PGAP4: variants seen among roughly 807,000 people sequenced by gnomAD.
PGAP4 encodes post-GPI attachment to proteins GalNAc transferase 4, also known as GPI-N-acetylgalactosamine transferase PGAP4.
Under a neutral mutation model 28.2 loss-of-function variants are expected in PGAP4, and 12 were observed. The observed-to-expected ratio is 0.42, with a 90% confidence interval of 0.27 to 0.69. The LOEUF is 0.69. Ranked by LOEUF, PGAP4 falls within the 30% of genes least tolerant of loss-of-function variation. The pLI is 0.22. For synonymous variants in PGAP4, 205 were observed against 211.8 expected, an observed-to-expected ratio of 0.97 and a Z score of 0.28; for missense variants, 425 against 513.5, an observed-to-expected ratio of 0.83 and a Z score of 1.67.
chr9:101,519,681 A>G (rs2118624866), intron 2 of PGAP4, among the ~76,000 whole-genome samples: 1 of 151,078 alleles, frequency 6.6e-6, no homozygotes, highest in Admixed American at 6.6e-5. Context: ...ACATACATAT[A>G]TATACACACA....
At position 101,479,157 on chromosome 9, in the gene PGAP4, T is replaced by A. The variant is rs143482838; in HGVS notation, c.-77-1988A>T. On this transcript the variant is annotated intron_variant, in intron 1 of 1. Transcript: ENST00000374848. ...GAACATCCAGCATATTGCAGACTGG[T>A]TGCTTCTTCCTCTGCTCTGCTCAGC... is the stretch of plus-strand genomic sequence containing the variant. Among the ~76,000 whole-genome samples, 153 of 152,334 alleles carry A rather than the reference T, an allele frequency of 1.0e-3. 1 individual carries two copies. Among genetic ancestry groups the A allele is most frequent in the Non-Finnish European group, 1.6e-3 (111 of 68,024 alleles).
At chr9:101,514,013 T>C (rs1826921018) in intron 2 of PGAP4, among the ~76,000 whole-genome samples, 1 of 151,756 alleles carries the variant, frequency 6.6e-6, no homozygotes, top group Admixed American at 6.6e-5. Flanking sequence ...TCTCTTCTTT[T>C]TTTTTTTTGT....
chr9:101,485,986 T>G (rs1826605739), intron 1 of PGAP4, among the ~76,000 whole-genome samples: 1 of 151,838 alleles, frequency 6.6e-6, no homozygotes, highest in Non-Finnish European at 1.5e-5. Context: ...CACCCGCATG[T>G]GTTGCTAATG....
At chr9:101,513,993 A>G (rs982976254) in intron 2 of PGAP4, among the ~76,000 whole-genome samples, 1 of 150,094 alleles carries the variant, frequency 6.7e-6, no homozygotes, top group Non-Finnish European at 1.5e-5. Flanking sequence ...AGGGTAAGAG[A>G]AAGTTCTTTT....
At chr9:101,478,471 C>A (rs756498190) in intron 1 of PGAP4, among the ~76,000 whole-genome samples, 1 of 152,208 alleles carries the variant, frequency 6.6e-6, no homozygotes, top group Non-Finnish European at 1.5e-5. Context: ...AGGAACCATA[C>A]GAGGCTGCTG....
At chr9:101,512,019 T>C (rs1436353957) in intron 2 of PGAP4, among the ~76,000 whole-genome samples, 4 of 152,092 alleles carry the variant, frequency 2.6e-5, no homozygotes, top group African/African-American at 9.7e-5. Flanking sequence ...CTCTAACCTG[T>C]GAATAATGTG....
chr9:101,506,055 A>G lies in PGAP4; in HGVS notation c.-164-16855T>C, dbSNP rs1340323599. 2.6e-5 allele frequency among the ~76,000 whole-genome samples: 4 copies of G among 152,098 alleles called. No homozygotes were observed. The South Asian group carries it at 6.2e-4, about 24-fold the overall frequency. On this transcript the variant is annotated intron_variant, in intron 2 of 3. Transcript: ENST00000374851. Reference sequence around the variant, plus strand: ...CCTTAAAAAAGCAGTTTCCAATAAAATGTTACCATTTGTGCAAACAACTGG... The same window carrying G: ...CCTTAAAAAAGCAGTTTCCAATAAAGTGTTACCATTTGTGCAAACAACTGG...
intron 2 of PGAP4, among the ~76,000 whole-genome samples, chr9:101,518,506 C>T (rs1826959659): frequency 6.6e-6 from 1 of 152,190 alleles, no homozygotes; most frequent in Admixed American, 6.5e-5. Context: ...TTAGCTCCCA[C>T]ATATCAGTGA....
chr9:101,514,009 C>CTTTT (rs75808649), intron 2 of PGAP4, among the ~76,000 whole-genome samples: 1 of 145,632 alleles, frequency 6.9e-6, no homozygotes, highest in African/African-American at 2.5e-5. Flanking sequence ...CTTTTCTCTT[C>CTTTT]TTTTTTTTTT....
chr9:101,533,646 C>T (rs959637131), upstream of PGAP4: 1 of 152,278 alleles, frequency 6.6e-6, no homozygotes, highest in African/African-American at 2.4e-5. Flanking sequence ...CGTCAGGCAT[C>T]AGCGAGGCCC....
chr9:101,511,943 A>G (rs572882968), intron 2 of PGAP4, among the ~76,000 whole-genome samples: 9 of 152,248 alleles, frequency 5.9e-5, no homozygotes, highest in Non-Finnish European at 8.8e-5. Flanking sequence ...TCATCCACCC[A>G]ATGCCAAATA....
At chr9:101,493,069 A>G (rs1382011567) in intron 2 of PGAP4, among the ~76,000 whole-genome samples, 3 of 152,000 alleles carry the variant, frequency 2.0e-5, no homozygotes, top group Admixed American at 6.6e-5. Flanking sequence ...CCTGGCCAAC[A>G]TGGTGAAAAC....
At chr9:101,495,723 GCTTT>G (rs1826741365) in intron 2 of PGAP4, among the ~76,000 whole-genome samples, 1 of 150,380 alleles carries the variant, frequency 6.6e-6, no homozygotes, top group South Asian at 2.1e-4. Context: ...CATCCATGTA[GCTTT>G]CTTTATTACT....
chr9:101,477,968 T>C (rs764057091), intron 1 of PGAP4, among the ~76,000 whole-genome samples: 6 of 151,904 alleles, frequency 3.9e-5, no homozygotes, highest in Non-Finnish European at 5.9e-5. Context: ...TTGCCCTCAG[T>C]TTGGTCCAGG....
chr9:101,527,538 C>T (rs2118639261), intron 2 of PGAP4, among the ~76,000 whole-genome samples: 1 of 152,206 alleles, frequency 6.6e-6, no homozygotes, highest in South Asian at 2.1e-4. Flanking sequence ...ATTATGGCCA[C>T]ACAAGACAGT....
chr9:101,517,495 A>G (rs972041339), intron 2 of PGAP4, among the ~76,000 whole-genome samples: 2 of 152,192 alleles, frequency 1.3e-5, no homozygotes, highest in African/African-American at 4.8e-5. Context: ...GGAAAATAAG[A>G]TATCAAGTTT....
chr9:101,524,754 G>T (rs1827019471), intron 2 of PGAP4, among the ~76,000 whole-genome samples: 1 of 152,326 alleles, frequency 6.6e-6, no homozygotes, highest in East Asian at 1.9e-4. Flanking sequence ...TTCAGTGAGG[G>T]TATGTGTTCA....
intron 2 of PGAP4, among the ~76,000 whole-genome samples, chr9:101,522,313 T>C (rs1220160338): frequency 2.6e-5 from 4 of 152,202 alleles, no homozygotes; most frequent in African/African-American, 9.6e-5. Flanking sequence ...CAGTGGAGTA[T>C]TGAAGTCCCC....
chr9:101,477,277 G>T (rs1826355268), intron 1 of PGAP4, 108 bp from the exon 2 acceptor site: 1 of 754,284 alleles, frequency 1.3e-6, no homozygotes, highest in Non-Finnish European at 1.9e-6. Flanking sequence ...TATCAAACCA[G>T]AAATTATAAT....
Sources: allele counts gnomAD v4.1 joint callset (sites outside exome capture counted in the v4.1 genomes callset), GRCh38; gene constraint gnomAD v4.1.1; transcripts MANE v1.5; gene names NCBI Gene and HGNC (gene_info 2026-07-23, HGNC 2026-07-21).